NR3C2: variants seen among roughly 807,000 people sequenced by gnomAD.
NR3C2 encodes mineralocorticoid receptor.
Under a neutral mutation model 86.4 loss-of-function variants are expected in NR3C2, and 15 were observed. That is an observed-to-expected ratio of 0.17 (90% CI 0.12 to 0.27). The LOEUF is 0.27. Ranked by LOEUF, NR3C2 falls within the 10% of genes least tolerant of loss-of-function variation. NR3C2 has a pLI of 1.00. For missense variants in NR3C2, 960 were observed against 1,195.6 expected (o/e 0.80, Z 2.91); for synonymous variants, 458 against 450.5 (o/e 1.02, Z -0.21).
chr4:148,438,116 C>T (rs528287059), intron 1 of NR3C2, among the ~76,000 whole-genome samples: 3 of 152,278 alleles, frequency 2.0e-5, no homozygotes, highest in African/African-American at 2.4e-5. Flanking sequence ...GCAATTTGAT[C>T]GCAAGTCTCT....
chr4:148,335,586 A>C (rs1744445660), intron 2 of NR3C2, among the ~76,000 whole-genome samples: 2 of 152,128 alleles, frequency 1.3e-5, no homozygotes, highest in Admixed American at 6.6e-5. Context: ...AATTGGTAAA[A>C]TTTATTTAAA....
chr4:148,110,783 G>A (rs148120839), intron 8 of NR3C2, among the ~76,000 whole-genome samples: 270 of 152,244 alleles, frequency 1.8e-3, no homozygotes, highest in African/African-American at 5.9e-3. Context: ...GGTGGAGTGA[G>A]ATGAACTGAA....
chr4:148,160,483 C>T (rs1734607223), intron 4 of NR3C2, among the ~76,000 whole-genome samples: 1 of 152,076 alleles, frequency 6.6e-6, no homozygotes, highest in Non-Finnish European at 1.5e-5. Flanking sequence ...AGGACTTTCA[C>T]CACGTAAAGA....
At chr4:148,180,853 T>A (rs1241244692) in intron 4 of NR3C2, among the ~76,000 whole-genome samples, 1 of 152,200 alleles carries the variant, frequency 6.6e-6, no homozygotes, top group Non-Finnish European at 1.5e-5. Context: ...CCCACTGTGG[T>A]TCCATTGTTA....
chr4:148,319,223 T>G (rs1018681668), intron 2 of NR3C2, among the ~76,000 whole-genome samples: 15 of 152,134 alleles, frequency 9.9e-5, no homozygotes, highest in African/African-American at 3.1e-4. Context: ...TCTGTTCTGT[T>G]CCATTGACCT....
At chr4:148,117,672 T>C (rs1331996096) in intron 7 of NR3C2, among the ~76,000 whole-genome samples, 1 of 152,206 alleles carries the variant, frequency 6.6e-6, no homozygotes, top group African/African-American at 2.4e-5. Context: ...GTTACCCATG[T>C]CACCACTGTG....
At chr4:148,402,560 T>C (rs976485281) in intron 2 of NR3C2, among the ~76,000 whole-genome samples, 1 of 152,222 alleles carries the variant, frequency 6.6e-6, no homozygotes, top group South Asian at 2.1e-4. Context: ...TCCTCTTCGG[T>C]ATGAATTGCT....
chr4:148,418,308 G>T (rs1418721378), intron 2 of NR3C2, among the ~76,000 whole-genome samples: 1 of 152,014 alleles, frequency 6.6e-6, no homozygotes, highest in Admixed American at 6.6e-5. Flanking sequence ...TGTGCTATTT[G>T]CTTTACTGCC....
At chr4:148,257,283 A>C (rs569307077) in intron 3 of NR3C2, among the ~76,000 whole-genome samples, 86 of 152,348 alleles carry the variant, frequency 5.6e-4, no homozygotes, top group African/African-American at 1.9e-3. Context: ...ATACAAAGTC[A>C]CATATATACA....
intron 3 of NR3C2, among the ~76,000 whole-genome samples, chr4:148,198,398 A>C (rs1736540687): frequency 6.6e-6 from 1 of 152,172 alleles, no homozygotes; most frequent in Admixed American, 6.5e-5. Flanking sequence ...GAAAATACAG[A>C]TTATGTGACA....
At position 148,081,290 on chromosome 4, in the gene NR3C2, G is replaced by C. The variant is rs1443158626; in HGVS notation, c.*54C>G. 6.2e-7 allele frequency: 1 copy of C among 1,610,650 alleles called. No homozygotes were observed. The highest frequency in any genetic ancestry group is 8.5e-7 in the Non-Finnish European group (1 of 1,177,062). ...AAACAGGTTTTCTTGGGTCCTTCTG[G>C]GTGTGGAACAACACAGGGAAACTTA... On this transcript the variant is annotated 3_prime_UTR_variant, in exon 9 of 9. Coordinates refer to ENST00000358102, the MANE Select transcript of NR3C2 (RefSeq NM_000901.5).
rs543056352 is a variant in NR3C2 at position 148,108,397 on chromosome 4, C to G, written c.2799+5707G>C. Among the ~76,000 whole-genome samples the G allele has an allele frequency of 1.7e-4, 26 of 152,278 alleles. No individual in the cohort carries two copies. The South Asian group carries it at 5.4e-3, about 32-fold the overall frequency. ...GGATTACAGCTGGGAGCCACTGCAC[C>G]CAGCCATGTCAATGATACTTAATGC... On this transcript the variant is annotated intron_variant, in intron 8 of 8. Transcript: ENST00000358102.
At chr4:148,245,079 G>A (rs886749024) in intron 3 of NR3C2, among the ~76,000 whole-genome samples, 1 of 151,896 alleles carries the variant, frequency 6.6e-6, no homozygotes, top group Non-Finnish European at 1.5e-5. Flanking sequence ...GGGTAGTGTT[G>A]GAATCTGACA....
At chr4:148,273,549 A>G (rs1006597190) in intron 2 of NR3C2, among the ~76,000 whole-genome samples, 2 of 152,176 alleles carry the variant, frequency 1.3e-5, no homozygotes, top group Non-Finnish European at 2.9e-5. Flanking sequence ...AGTAAAACTT[A>G]CCCAAACTGA....
intron 2 of NR3C2, among the ~76,000 whole-genome samples, chr4:148,306,072 T>C (rs1742603761): frequency 6.6e-6 from 1 of 152,236 alleles, no homozygotes; most frequent in Admixed American, 6.5e-5. Flanking sequence ...CACTGCCTTA[T>C]ATTTGTTTGC....
At chr4:148,136,529 T>C (rs1299822418) in intron 6 of NR3C2, among the ~76,000 whole-genome samples, 1 of 152,178 alleles carries the variant, frequency 6.6e-6, no homozygotes, top group Non-Finnish European at 1.5e-5. Flanking sequence ...CACGCCTGGA[T>C]TGTACCACCC....
At chr4:148,424,930 T>C (rs1383248621) in intron 2 of NR3C2, among the ~76,000 whole-genome samples, 1 of 152,188 alleles carries the variant, frequency 6.6e-6, no homozygotes, top group African/African-American at 2.4e-5. Context: ...GTAATCTCAT[T>C]GCGCAGACTA....
In NR3C2 at chr4:148,143,888, G is replaced by C. The variant is rs555186603; in HGVS notation, c.2510+8581C>G. Among the ~76,000 whole-genome samples, 20 of 150,438 alleles carry C rather than the reference G, an allele frequency of 1.3e-4. No individual in the cohort carries two copies. The South Asian group carries it at 4.0e-3, about 30-fold the overall frequency. On this transcript the variant is annotated intron_variant, in intron 6 of 8. Coordinates refer to ENST00000358102, the MANE Select transcript of NR3C2 (RefSeq NM_000901.5). ...CTTGAACCCGGGAGGCGGAGTTTGCGGTGAGCCGAGATCGCACCATTGCAC... is the reference window on the plus strand; with the variant it reads ...CTTGAACCCGGGAGGCGGAGTTTGCCGTGAGCCGAGATCGCACCATTGCAC...
At chr4:148,313,353 A>G (rs566481603) in intron 2 of NR3C2, among the ~76,000 whole-genome samples, 1 of 152,288 alleles carries the variant, frequency 6.6e-6, no homozygotes, top group Non-Finnish European at 1.5e-5. Flanking sequence ...GAACCATCCA[A>G]TGTGTAATAT....
Sources: gnomAD v4.1 joint callset for allele counts (sites outside exome capture counted in the v4.1 genomes callset) on GRCh38, gnomAD v4.1.1 for gene constraint, MANE v1.5 for transcripts, NCBI Gene and HGNC (gene_info 2026-07-23, HGNC 2026-07-21) for gene names.